Variants in MVB12B observed in about 807,000 individuals in gnomAD.
MVB12B encodes multivesicular body subunit 12B.
In MVB12B, 16 loss-of-function variants were observed where a neutral mutation model predicts 41.6. That is an observed-to-expected ratio of 0.38 (90% confidence interval 0.26 to 0.58). MVB12B has a LOEUF of 0.58. MVB12B is among the 20% of genes least tolerant of loss of function. The pLI is 0.62. For synonymous variants in MVB12B, 133 were observed against 139.7 expected, an observed-to-expected ratio of 0.95 and a Z score of 0.34; for missense variants, 274 against 380.2, an observed-to-expected ratio of 0.72 and a Z score of 2.32.
chr9:126,489,619 G>T (rs1042216346), intron 9 of MVB12B, among the ~76,000 whole-genome samples: 91 of 152,236 alleles, frequency 6.0e-4, no homozygotes, highest in African/African-American at 2.0e-3. Context: ...TGAAAGTGAA[G>T]GAAGCCGTGA....
chr9:126,460,531 T>C (rs62581692), intron 7 of MVB12B, among the ~76,000 whole-genome samples: 37,333 of 151,950 alleles, frequency 0.25, 5,399 homozygotes, highest in African/African-American at 0.4. Flanking sequence ...ACTCCATTTC[T>C]TTCTCTATCC....
chr9:126,421,964 G>T lies in MVB12B; in HGVS notation c.757+16G>T. The T allele has an allele frequency of 6.3e-7, 1 of 1,583,820 alleles. No individual in the cohort carries two copies. Among genetic ancestry groups the T allele is most frequent in the Non-Finnish European group, 8.7e-7 (1 of 1,153,444 alleles). ...GCCATATCAGGTATGTGGAGCCACC[G>T]CTGCAGGCCAGCTACAGAGTCTGTG... On this transcript the variant is annotated intron_variant, in intron 7 of 9. Coordinates refer to ENST00000361171, the MANE Select transcript of MVB12B (RefSeq NM_033446.3).
At chr9:126,336,592 G>A (rs1448678232) in intron 1 of MVB12B, among the ~76,000 whole-genome samples, 1 of 152,230 alleles carries the variant, frequency 6.6e-6, no homozygotes, top group Non-Finnish European at 1.5e-5. Flanking sequence ...GCAGAAGCTG[G>A]AAGCAGGCTT....
intron 2 of MVB12B, among the ~76,000 whole-genome samples, chr9:126,351,756 G>A (rs1029280705): frequency 4.6e-5 from 7 of 152,100 alleles, no homozygotes; most frequent in African/African-American, 1.7e-4. Context: ...CCAAAGTGCT[G>A]GGATTACAGG....
Position 126,420,916 on chromosome 9 carries a change from G to C in MVB12B, c.663-938G>C, listed in dbSNP as rs559757005. Among the ~76,000 whole-genome samples, 5 of 152,198 alleles carry C rather than the reference G, an allele frequency of 3.3e-5. No homozygotes were observed. In the East Asian group the frequency reaches 9.6e-4, roughly 29 times the overall value. ...TGTGTGAAAAAGGCACCTAGTAATT[G>C]ACCACTTACTTTATGTGATAAGTGT... On this transcript the variant is annotated intron_variant, in intron 6 of 9. Transcript: ENST00000361171.
intron 7 of MVB12B, among the ~76,000 whole-genome samples, chr9:126,441,056 G>A (rs1462539549): frequency 2.0e-5 from 3 of 152,230 alleles, no homozygotes; most frequent in African/African-American, 4.8e-5. Context: ...CAGCCCTTCT[G>A]TTCTCCCGAT....
At chr9:126,447,308 G>A (rs1588180611) in intron 7 of MVB12B, among the ~76,000 whole-genome samples, 1 of 149,972 alleles carries the variant, frequency 6.7e-6, no homozygotes, top group East Asian at 1.9e-4. Flanking sequence ...TCCCTTGAGT[G>A]GTTCCCTCAT....
Position 126,386,761 on chromosome 9 carries a change from G to A in MVB12B, c.409+103G>A. On this transcript the variant is annotated intron_variant, in intron 4 of 9. Transcript: ENST00000361171. The surrounding 1 kb of genome is among the most constrained non-coding windows in gnomAD (Gnocchi z 4.3). ...GCATTTTTCTTCAGAAACACTTTTG[G>A]AGGCCTTACTACATGCCCATGAACA... 1.2e-6 allele frequency: 1 copy of A among 814,184 alleles called. No individual in the cohort carries two copies. Among genetic ancestry groups the A allele is most frequent in the Non-Finnish European group, 2.0e-6 (1 of 492,788 alleles). The allele number at this position is 814,184 out of a possible 1,614,324, so 50.4% of individuals were successfully genotyped here.
intron 6 of MVB12B, among the ~76,000 whole-genome samples, chr9:126,399,302 C>T (rs1003084773): frequency 2.0e-5 from 3 of 152,248 alleles, no homozygotes; most frequent in Non-Finnish European, 4.4e-5. Flanking sequence ...CCCAGAGCCT[C>T]TCCATATCTC....
chr9:126,406,738 GCAAGGTT>G (rs1174129501), intron 6 of MVB12B, among the ~76,000 whole-genome samples: 1 of 152,122 alleles, frequency 6.6e-6, no homozygotes, highest in African/African-American at 2.4e-5. Flanking sequence ...TTTTGGCATT[GCAAGGTT>G]CAAGTGTAAT....
chr9:126,412,181 C>T (rs737400), intron 6 of MVB12B, among the ~76,000 whole-genome samples: 18,875 of 152,204 alleles, frequency 0.12, 1,573 homozygotes, highest in East Asian at 0.38. Context: ...CTCTGTGACT[C>T]CCGCACCCTG....
intron 6 of MVB12B, among the ~76,000 whole-genome samples, chr9:126,403,205 G>A (rs925988063): frequency 2.6e-5 from 4 of 152,042 alleles, no homozygotes; most frequent in African/African-American, 7.3e-5. Context: ...TTATCCGACC[G>A]CCCCCCACAC....
intron 7 of MVB12B, among the ~76,000 whole-genome samples, chr9:126,470,535 G>C (rs56151235): frequency 0.23 from 35,638 of 152,044 alleles, 4,776 homozygotes; most frequent in African/African-American, 0.36. Context: ...GAGGTGGGGG[G>C]GCTGGTGGCC....
rs536959728 is a variant in MVB12B, at chr9:126,395,768, C to T, written c.662+71C>T. The T allele has an allele frequency of 1.9e-6, 3 of 1,585,250 alleles. No individual in the cohort carries two copies. The South Asian group carries it at 3.4e-5, about 18-fold the overall frequency. ...CCCTGCACAACATTTTAGAACACCA[C>T]CACTTAGTGTCTGCTGAAATACTGC... On this transcript the variant is annotated intron_variant, in intron 6 of 9. Coordinates refer to ENST00000361171, the MANE Select transcript of MVB12B (RefSeq NM_033446.3). This position sits in a 1 kb window ranked among gnomAD's most constrained non-coding sequence, Gnocchi z 4.9.
intron 6 of MVB12B, among the ~76,000 whole-genome samples, chr9:126,403,973 T>TTTTTG (rs1831344523): frequency 8.0e-6 from 1 of 125,018 alleles, no homozygotes; most frequent in Non-Finnish European, 1.7e-5. Flanking sequence ...TTTTTTTTTT[T>TTTTTG]GAGACAGAGT....
intron 7 of MVB12B, among the ~76,000 whole-genome samples, chr9:126,449,383 GCA>G (rs1462137066): frequency 1.3e-5 from 2 of 152,128 alleles, no homozygotes; most frequent in Admixed American, 1.3e-4. Flanking sequence ...GAGAAGACCC[GCA>G]GGCCCTTTCC....
In MVB12B at chr9:126,421,878, C is replaced by T. The variant is rs762901757; in HGVS notation, c.687C>T (p.Ala229=). The change falls in exon 7 of 10, where the codon GCC becomes GCT. Residue 229 remains alanine (A), a synonymous_variant. Coordinates refer to ENST00000361171, the MANE Select transcript of MVB12B (RefSeq NM_033446.3). ...GGCACATCTCCCTAACACTTCCTGC[C>T]ACCTTCCGAGGCAGGAACAGCACCC... The part of the protein sequence containing the change: ...LPRHISLTLP[A]TFRGRNSTRT... 1 of 1,613,878 alleles carries T rather than the reference C, an allele frequency of 6.2e-7. No homozygotes were observed. The highest frequency in any genetic ancestry group is 1.3e-5 in the African/African-American group (1 of 74,906).
At position 126,394,932 on chromosome 9, in the gene MVB12B, C is replaced by T. The variant is rs552308630; in HGVS notation, c.540-643C>T. On this transcript the variant is annotated intron_variant, in intron 5 of 9. Transcript: ENST00000361171. ...AGCGTGGCTGTCTCCTCAGCACTCA[C>T]GAGTGTGTGGTGTAGTAGGGGGCGG... Among the ~76,000 whole-genome samples, 138 of 152,222 alleles carry T rather than the reference C, an allele frequency of 9.1e-4. 1 individual carries two copies. Among genetic ancestry groups the T allele is most frequent in the African/African-American group, 3.2e-3 (132 of 41,526 alleles).
At chr9:126,372,043 T>C (rs1830355989) in intron 2 of MVB12B, among the ~76,000 whole-genome samples, 1 of 152,172 alleles carries the variant, frequency 6.6e-6, no homozygotes, top group Non-Finnish European at 1.5e-5. Flanking sequence ...CCATCAACTC[T>C]TCCTGCCCCC....
Sources: gnomAD v4.1 joint callset for allele counts (sites outside exome capture counted in the v4.1 genomes callset) on GRCh38, gnomAD v4.1.1 for gene constraint, Gnocchi (gnomAD v3.1) non-coding constraint, MANE v1.5 for transcripts, NCBI Gene and HGNC (gene_info 2026-07-23, HGNC 2026-07-21) for gene names.